ADAMTS12: variants seen among roughly 807,000 people sequenced by gnomAD.
The protein encoded by ADAMTS12 is A disintegrin and metalloproteinase with thrombospondin motifs 12.
A neutral mutation model predicts 167.8 loss-of-function variants in ADAMTS12; 118 were observed. The observed-to-expected ratio is 0.70, with a 90% CI of 0.61 to 0.82. ADAMTS12 has a LOEUF of 0.82. ADAMTS12 is among the 40% of genes least tolerant of loss of function. The pLI is 0.00. For synonymous variants in ADAMTS12, 704 were observed against 716.9 expected (o/e 0.98, Z 0.29); for missense variants, 1,916 against 1,998.8 (o/e 0.96, Z 0.79).
chr5:33,727,994 G>C (rs1314015882), intron 3 of ADAMTS12, among the ~76,000 whole-genome samples: 2 of 152,184 alleles, frequency 1.3e-5, no homozygotes, highest in African/African-American at 4.8e-5. Flanking sequence ...TGCAGATTGA[G>C]CAAAAGCATG....
intron 19 of ADAMTS12, among the ~76,000 whole-genome samples, chr5:33,569,277 C>T (rs901043950): frequency 9.2e-5 from 14 of 152,246 alleles, no homozygotes; most frequent in South Asian, 4.1e-4. Context: ...GATCTGAGAA[C>T]GGGCAGACTG....
chr5:33,743,575 T>C (rs1267524632), intron 3 of ADAMTS12, among the ~76,000 whole-genome samples: 3 of 152,230 alleles, frequency 2.0e-5, no homozygotes, highest in Admixed American at 1.3e-4. Flanking sequence ...CATTTCTGCC[T>C]GCTTCAATAT....
chr5:33,849,383 CACAGCA>C (rs1561306656), intron 2 of ADAMTS12, among the ~76,000 whole-genome samples: 1 of 127,530 alleles, frequency 7.8e-6, no homozygotes, highest in African/African-American at 2.9e-5. Context: ...ATATGTATTG[CACAGCA>C]ATATATATAT....
At chr5:33,639,548 C>T (rs62352876) in intron 11 of ADAMTS12, among the ~76,000 whole-genome samples, 11,337 of 152,238 alleles carry the variant, frequency 0.074, 511 homozygotes, top group Admixed American at 0.13. Flanking sequence ...AGGCAGAAGG[C>T]ATGTCGAGCG....
intron 2 of ADAMTS12, among the ~76,000 whole-genome samples, chr5:33,764,562 T>C (rs1745465283): frequency 6.6e-6 from 1 of 152,172 alleles, no homozygotes. Flanking sequence ...GCCATCAGCT[T>C]TGGAAAAATA....
chr5:33,779,380 T>C (rs1746035350), intron 2 of ADAMTS12, among the ~76,000 whole-genome samples: 1 of 152,026 alleles, frequency 6.6e-6, no homozygotes, highest in African/African-American at 2.4e-5. Context: ...GAGACAGAGT[T>C]TCACCATGTT....
At chr5:33,696,051 T>C (rs111671656) in intron 3 of ADAMTS12, among the ~76,000 whole-genome samples, 5 of 90,454 alleles carry the variant, frequency 5.5e-5, no homozygotes, top group Admixed American at 3.0e-4. Flanking sequence ...GTCACTAACA[T>C]GTGCTTATTA....
intron 22 of ADAMTS12, among the ~76,000 whole-genome samples, chr5:33,540,911 C>T (rs529957567): frequency 6.6e-6 from 1 of 152,334 alleles, no homozygotes; most frequent in East Asian, 1.9e-4. Context: ...ATTCTAAAAA[C>T]TGGAGTTCCT....
At chr5:33,774,809 TTTATTCTC>T (rs1745860703) in intron 2 of ADAMTS12, among the ~76,000 whole-genome samples, 5 of 152,210 alleles carry the variant, frequency 3.3e-5, no homozygotes, top group Admixed American at 3.3e-4. Context: ...TTTGCCCAGC[TTTATTCTC>T]CCGCTGATTT....
At chr5:33,615,241 T>C (rs1738939568) in intron 15 of ADAMTS12, among the ~76,000 whole-genome samples, 1 of 152,218 alleles carries the variant, frequency 6.6e-6, no homozygotes, top group Non-Finnish European at 1.5e-5. Context: ...TGCTCTGATC[T>C]CTGGCTCGAA....
chr5:33,746,109 T>C (rs1162559698), intron 3 of ADAMTS12, among the ~76,000 whole-genome samples: 1 of 152,198 alleles, frequency 6.6e-6, no homozygotes, highest in Non-Finnish European at 1.5e-5. Flanking sequence ...AAGCACAAAC[T>C]ACTGTGAAGC....
chr5:33,609,312 C>G (rs532011724), intron 16 of ADAMTS12, among the ~76,000 whole-genome samples: 1 of 150,842 alleles, frequency 6.6e-6, no homozygotes, highest in African/African-American at 2.4e-5. Context: ...GTTAAGACAC[C>G]GAAAGCACAA....
intron 2 of ADAMTS12, among the ~76,000 whole-genome samples, chr5:33,801,321 T>C (rs993098158): frequency 6.6e-6 from 1 of 152,220 alleles, no homozygotes; most frequent in Non-Finnish European, 1.5e-5. Flanking sequence ...TGGGAGTATT[T>C]ACACCCCAGA....
At chr5:33,735,293 T>A (rs1347307751) in intron 3 of ADAMTS12, among the ~76,000 whole-genome samples, 1 of 152,182 alleles carries the variant, frequency 6.6e-6, no homozygotes, top group Non-Finnish European at 1.5e-5. Context: ...TAGATTTGCA[T>A]TTCTTATAAG....
At chr5:33,786,413 G>A (rs897608466) in intron 2 of ADAMTS12, among the ~76,000 whole-genome samples, 1 of 151,372 alleles carries the variant, frequency 6.6e-6, no homozygotes, top group South Asian at 2.1e-4. Flanking sequence ...GAGATGGGGA[G>A]GGAAAGAGAA....
chr5:33,589,766 A>G (rs988128151), intron 17 of ADAMTS12, among the ~76,000 whole-genome samples: 1 of 152,218 alleles, frequency 6.6e-6, no homozygotes, highest in Admixed American at 6.5e-5. Context: ...CACTGGGGGA[A>G]GTCCTTCATT....
At chr5:33,711,704 T>C (rs1199494305) in intron 3 of ADAMTS12, among the ~76,000 whole-genome samples, 2 of 152,186 alleles carry the variant, frequency 1.3e-5, no homozygotes, top group Non-Finnish European at 2.9e-5. Context: ...CAATATTCTC[T>C]CTGAAAATGT....
Position 33,527,253 on chromosome 5 carries a change from T to A in ADAMTS12, c.4720A>T (p.Thr1574Ser). Residue 1574 changes from threonine to serine, a missense_variant, in exon 24 of 24, where the codon ACA (threonine) becomes TCA (serine). By Grantham distance (58) the Thr-to-Ser change is moderately conservative. Transcript: ENST00000504830. ...TGCCTTTGGGTGTGTGTGATGTGTG[T>A]CTGGGGACACGAGAAGCAGCACTCA... ...RAECCFSCPQ[T>S]HITHTQRQRR... 6.2e-7 allele frequency: 1 copy of A among 1,614,068 alleles called. No individual in the cohort carries two copies. Among genetic ancestry groups the A allele is most frequent in the Non-Finnish European group, 8.5e-7 (1 of 1,180,008 alleles).
chr5:33,849,319 CTA>C (rs201334194), intron 2 of ADAMTS12, among the ~76,000 whole-genome samples: 13,699 of 86,668 alleles, frequency 0.16, 2,216 homozygotes, highest in Middle Eastern at 0.25. Flanking sequence ...TATTGCATAG[CTA>C]TATATATATG....
Sources: gnomAD v4.1 joint callset for allele counts (sites outside exome capture counted in the v4.1 genomes callset) on GRCh38, gnomAD v4.1.1 for gene constraint, MANE v1.5 for transcripts, NCBI Gene and HGNC (gene_info 2026-07-23, HGNC 2026-07-21) for gene names.